WDR62: variants seen among roughly 807,000 people sequenced by gnomAD.
WDR62 encodes WD repeat domain 62, also known as WD repeat-containing protein 62.
Under a neutral mutation model 160.6 loss-of-function variants are expected in WDR62, and 112 were observed. That is an observed-to-expected ratio of 0.70 (90% CI 0.60 to 0.82). WDR62 has a LOEUF of 0.82. WDR62 is among the 40% of genes least tolerant of loss of function. The pLI, the probability that WDR62 is intolerant of heterozygous loss-of-function variation, is 0.00. For missense variants in WDR62, 1,819 were observed against 1,983.8 expected, an observed-to-expected ratio of 0.92 and a Z score of 1.58; for synonymous variants, 792 against 815.1, an observed-to-expected ratio of 0.97 and a Z score of 0.48.
At chr19:36,097,897 TAAA>T (rs548421658) in intron 21 of WDR62, among the ~76,000 whole-genome samples, 1 of 149,282 alleles carries the variant, frequency 6.7e-6, no homozygotes, top group East Asian at 1.9e-4. Flanking sequence ...AAAATAAAAA[TAAA>T]AAAGAAAATA....
chr19:36,070,548 A>G (rs1159371349), intron 7 of WDR62: 1 of 152,268 alleles, frequency 6.6e-6, no homozygotes, highest in African/African-American at 2.4e-5. Flanking sequence ...CCATTTGGCT[A>G]TCCGCCCGAG....
At chr19:36,066,095 G>A (rs530800176) in intron 4 of WDR62, 80 bp downstream of exon 4, 26 of 1,588,126 alleles carry the variant, frequency 1.6e-5, no homozygotes, top group Admixed American at 1.7e-5. Flanking sequence ...GGCAGGCCTG[G>A]GAGTCCCTGG....
intron 12 of WDR62, among the ~76,000 whole-genome samples, chr19:36,086,103 T>G (rs79306249): frequency 0.02 from 3,090 of 152,154 alleles, 114 homozygotes; most frequent in African/African-American, 0.07. Context: ...TCTTTCGTTC[T>G]CTCATCCCCC....
chr19:36,102,806 T>G lies in WDR62; in HGVS notation c.3290T>G (p.Leu1097Arg), dbSNP rs752190802. 27 of 1,614,086 alleles carry G rather than the reference T, an allele frequency of 1.7e-5. No individual in the cohort carries two copies. The highest frequency in any genetic ancestry group is 2.3e-5 in the Non-Finnish European group (27 of 1,180,036). The change falls in exon 27 of 32, where the codon CTG (leucine) becomes CGG (arginine). Residue 1097 changes from leucine to arginine, a missense_variant. By Grantham distance (102) the Leu-to-Arg change is moderately radical (BLOSUM62 -2). Transcript: ENST00000401500. ...GAAGACCACTTCTTCAACCCACGCC[T>G]GAGTATCTCCACGCAGTTCCTCTCA... ...EAEDHFFNPRLSISTQFLSSL... is the reference protein window; with the variant it reads ...EAEDHFFNPRRSISTQFLSSL...
chr19:36,097,897 T>G lies in WDR62; in HGVS notation c.2520+818T>G, dbSNP rs75638537. Among the ~76,000 whole-genome samples the G allele has an allele frequency of 8.0e-3, 1,194 of 149,392 alleles. 6 individuals carry two copies. The highest frequency in any genetic ancestry group is 0.014 in the Non-Finnish European group (943 of 67,154). The stretch of plus-strand genomic sequence containing the variant: ...CTTTGTCTCATAAAAAAAATAAAAA[T>G]AAAAAAGAAAATAAGGAGTGTTGGG... On this transcript the variant is annotated intron_variant, in intron 21 of 31. Coordinates refer to ENST00000401500, the MANE Select transcript of WDR62 (RefSeq NM_001083961.2).
intron 7 of WDR62, chr19:36,070,887 G>A (rs150492980): frequency 2.6e-5 from 4 of 153,534 alleles, no homozygotes; most frequent in African/African-American, 9.6e-5. Flanking sequence ...TCTTTATGAA[G>A]TTGTTTGTAA....
intron 18 of WDR62, among the ~76,000 whole-genome samples, chr19:36,091,925 A>G (rs1228793174): frequency 1.3e-5 from 2 of 151,718 alleles, no homozygotes; most frequent in South Asian, 2.1e-4. Flanking sequence ...CAGCTCTGCC[A>G]TTTATTTTCT....
chr19:36,073,698 A>C, intron 9 of WDR62, 167 bp downstream of exon 9: 1 of 699,334 alleles, frequency 1.4e-6, no homozygotes, highest in East Asian at 2.8e-5. Flanking sequence ...TGCCCTTAAC[A>C]AGCTCACATT....
At chr19:36,057,286 A>G (rs1970420207) in intron 1 of WDR62, among the ~76,000 whole-genome samples, 1 of 152,206 alleles carries the variant, frequency 6.6e-6, no homozygotes, top group African/African-American at 2.4e-5. Context: ...TACTGATATT[A>G]TGACTGTGTA....
rs765561797 is a variant in WDR62, at chr19:36,086,656, C to T, written c.1643-31C>T. The T allele has an allele frequency of 1.9e-6, 3 of 1,585,296 alleles. No individual in the cohort carries two copies. In the East Asian group the frequency reaches 6.9e-5, roughly 36 times the overall value. On this transcript the variant is annotated intron_variant, in intron 12 of 31. Transcript: ENST00000401500. Reference sequence around the variant, plus strand: ...GAGGCCAGGGCACCCACGCAGCCTTCAGGAACCAGTCTCATTCTCTCCTCT... The same window carrying T: ...GAGGCCAGGGCACCCACGCAGCCTTTAGGAACCAGTCTCATTCTCTCCTCT...
At chr19:36,077,349 C>T (rs1411676298) in intron 9 of WDR62, among the ~76,000 whole-genome samples, 3 of 145,082 alleles carry the variant, frequency 2.1e-5, no homozygotes, top group East Asian at 2.0e-4. Flanking sequence ...GGCACGATCT[C>T]GGCTCACTGC....
chr19:36,063,315 T>C (rs1377909159), intron 3 of WDR62, among the ~76,000 whole-genome samples: 1 of 151,784 alleles, frequency 6.6e-6, no homozygotes. Context: ...AGTGGGGCGA[T>C]CTTGGCTCGC....
At chr19:36,100,423 C>T in intron 22 of WDR62, among the ~76,000 whole-genome samples, 1 of 152,210 alleles carries the variant, frequency 6.6e-6, no homozygotes, top group South Asian at 2.1e-4. Flanking sequence ...ATAGAAACCC[C>T]CTTCTGCCCT....
At chr19:36,091,159 A>G (rs1305678255) in intron 16 of WDR62, 41 bp from the exon 17 acceptor site, 2 of 1,562,512 alleles carry the variant, frequency 1.3e-6, no homozygotes, top group African/African-American at 2.7e-5. Flanking sequence ...ATAAGGAAGA[A>G]GCAGGCAGCT....
chr19:36,103,597 G>T lies in WDR62; in HGVS notation c.3769G>T (p.Glu1257Ter). Residue 1257 changes from glutamate (E) to a stop codon, truncating the protein, a stop_gained, in exon 30 of 32, where the codon GAG (glutamate) becomes TAG (stop). Transcript: ENST00000401500. LOFTEE classifies it high-confidence loss of function. ...CCTCCGTAGGCCATCGTCCGTTGGG[G>T]AGCTGGCCTCCTTGGGCCAGGAGCT... Reference protein sequence around the residue: ...QPLRRPSSVGELASLGQELQA... With the variant: ...QPLRRPSSVG 6.2e-7 allele frequency: 1 copy of T among 1,613,226 alleles called. No individual in the cohort carries two copies. Among genetic ancestry groups the T allele is most frequent in the Non-Finnish European group, 8.5e-7 (1 of 1,180,030 alleles).
At chr19:36,084,480 C>A (rs1187973940) in intron 11 of WDR62, among the ~76,000 whole-genome samples, 173 bp from the exon 12 acceptor site, 1 of 152,088 alleles carries the variant, frequency 6.6e-6, no homozygotes, top group African/African-American at 2.4e-5. Context: ...CAACACGGCT[C>A]CCTTTACGAT....
At chr19:36,108,107 G>T (rs1026461575), downstream of WDR62, among the ~76,000 whole-genome samples, 2 of 152,236 alleles carry the variant, frequency 1.3e-5, no homozygotes, top group South Asian at 4.1e-4. Context: ...ATCCCAGGGA[G>T]AGGGTAGTGC....
intron 22 of WDR62, among the ~76,000 whole-genome samples, chr19:36,100,448 C>T (rs1973259046): frequency 6.6e-6 from 1 of 152,218 alleles, no homozygotes; most frequent in African/African-American, 2.4e-5. Context: ...AGTCAGGTCC[C>T]CGCACCAGGA....
chr19:36,103,581 G>A lies in WDR62; in HGVS notation c.3753G>A (p.Arg1251=). ...CCACACTGGCCCAGCCCCTCCGTAG[G>A]CCATCGTCCGTTGGGGAGCTGGCCT... ...IVATLAQPLR[R]PSSVGELASL... Residue 1251 remains arginine (R), a synonymous_variant, in exon 30 of 32, where the codon AGG becomes AGA. Coordinates refer to ENST00000401500, the MANE Select transcript of WDR62 (RefSeq NM_001083961.2). The A allele has an allele frequency of 3.1e-6, 5 of 1,613,606 alleles. No individual in the cohort carries two copies. Among genetic ancestry groups the A allele is most frequent in the African/African-American group, 1.3e-5 (1 of 75,042 alleles).
Sources: gnomAD v4.1 joint callset for allele counts (sites outside exome capture counted in the v4.1 genomes callset) on GRCh38, gnomAD v4.1.1 for gene constraint, MANE v1.5 for transcripts, NCBI Gene and HGNC (gene_info 2026-07-23, HGNC 2026-07-21) for gene names.